FLT3LG: variants seen among roughly 807,000 people sequenced by gnomAD.
The protein encoded by FLT3LG is fms-related tyrosine kinase 3 ligand.
Under a neutral mutation model 30.9 loss-of-function variants are expected in FLT3LG, and 8 were observed. The ratio of observed to expected loss-of-function variants is 0.26; its 90% confidence interval spans 0.15 to 0.47. FLT3LG has a LOEUF of 0.47. FLT3LG is among the 20% of genes least tolerant of loss of function. The probability of loss-of-function intolerance (pLI) is 0.99; values close to 1 mark genes in which losing one functional copy is unlikely to be tolerated. For missense variants in FLT3LG, 278 were observed against 306.2 expected (o/e 0.91, Z 0.69); for synonymous variants, 123 against 135.9 (o/e 0.91, Z 0.66).
chr19:49,480,824 G>C (rs2079580845), intron 8 of FLT3LG: 2 of 583,024 alleles, frequency 3.4e-6, no homozygotes, highest in Non-Finnish European at 3.0e-6. Flanking sequence ...TTGAGGTCAG[G>C]AGTTCAAGAC....
intron 5 of FLT3LG, among the ~76,000 whole-genome samples, chr19:49,477,910 G>T (rs1439859486): frequency 6.6e-6 from 1 of 151,266 alleles, no homozygotes; most frequent in African/African-American, 2.4e-5. Context: ...GCTGGGCATG[G>T]TGGCGCGCGC....
chr19:49,478,824 C>A, intron 5 of FLT3LG, 85 bp from the exon 6 acceptor site: 2 of 1,261,904 alleles, frequency 1.6e-6, no homozygotes, highest in Non-Finnish European at 2.1e-6. Flanking sequence ...TGTTGCTGGG[C>A]ATCGCCAGCA....
intron 3 of FLT3LG, 117 bp downstream of exon 3, chr19:49,475,918 T>A: frequency 9.4e-7 from 1 of 1,064,876 alleles, no homozygotes; most frequent in Non-Finnish European, 1.4e-6. Context: ...ACTCCTGGGC[T>A]CAAGCGATCC....
At chr19:49,484,946 A>G (rs1601143951) in intron 8 of FLT3LG, among the ~76,000 whole-genome samples, 1 of 152,076 alleles carries the variant, frequency 6.6e-6, no homozygotes, top group South Asian at 2.1e-4. Flanking sequence ...TGAGCTGGGC[A>G]TGGTGGCGTG....
intron 8 of FLT3LG, chr19:49,482,519 T>C (rs2079648105): frequency 6.6e-6 from 1 of 152,058 alleles, no homozygotes; most frequent in African/African-American, 2.4e-5. Flanking sequence ...CCTTCCACCA[T>C]AGGGTTGTTA....
At chr19:49,475,911 C>A in intron 3 of FLT3LG, 110 bp downstream of exon 3, 1 of 1,139,504 alleles carries the variant, frequency 8.8e-7, no homozygotes, top group Non-Finnish European at 1.3e-6. Context: ...GTCTTGAACT[C>A]CTGGGCTCAA....
In FLT3LG at chr19:49,476,337, A is replaced by T; in HGVS notation, c.199-86A>T. On this transcript the variant is annotated intron_variant, in intron 4 of 8. Coordinates refer to ENST00000597551, the MANE Select transcript of FLT3LG (RefSeq NM_001459.4). This position sits in a 1 kb window ranked among gnomAD's most constrained non-coding sequence, Gnocchi z 5.3. ...CCTCAGCCCCTCCTCCCTCAGACCC[A>T]GGAGCCCCGGCCCAGCCCCTCCTCC... The T allele has an allele frequency of 4.6e-6, 7 of 1,509,524 alleles. No homozygotes were observed. Among genetic ancestry groups the T allele is most frequent in the South Asian group, 2.3e-5 (2 of 88,362 alleles). The allele number at this position is 1,509,524 out of a possible 1,614,324, so 93.5% of individuals were successfully genotyped here. A position where few individuals can be genotyped will look rare whatever the true frequency, so the allele number is the denominator to read the frequency against.
chr19:49,485,432 T>C (rs1274518312), intron 8 of FLT3LG, among the ~76,000 whole-genome samples: 1 of 151,980 alleles, frequency 6.6e-6, no homozygotes, highest in Admixed American at 6.6e-5. Flanking sequence ...TTTTTGTTTT[T>C]GTTTTTTTCT....
rs1054020648 is a variant in FLT3LG at position 49,475,687 on chromosome 19, G to A, written c.34-4G>A. 1 of 1,603,804 alleles carries A rather than the reference G, an allele frequency of 6.2e-7. No homozygotes were observed. Among genetic ancestry groups the A allele is most frequent in the Non-Finnish European group, 8.5e-7 (1 of 1,179,686 alleles). On this transcript the variant is annotated splice_region_variant and splice_polypyrimidine_tract_variant and intron_variant, in intron 2 of 8. Transcript: ENST00000597551. ...GGGCTCCCCCAGCACCCGCTCCCCT[G>A]CAGACCTATCTCCTCCTGCTGCTGC...
In FLT3LG at chr19:49,476,806, C is replaced by T. The variant is rs2079409928; in HGVS notation, c.342+240C>T. 2.0e-6 allele frequency: 1 copy of T among 489,652 alleles called. No individual in the cohort carries two copies. The highest frequency in any genetic ancestry group is 3.6e-6 in the Non-Finnish European group (1 of 276,616). The allele number at this position is 489,652 out of a possible 1,614,324, so 30.3% of individuals were successfully genotyped here. A position where few individuals can be genotyped will look rare whatever the true frequency, so the allele number is the denominator to read the frequency against. On this transcript the variant is annotated intron_variant, in intron 5 of 8. Transcript: ENST00000597551. This position sits in a 1 kb window ranked among gnomAD's most constrained non-coding sequence, Gnocchi z 5.3. ...TTTCCTAGGCCATGATGAAGGGTGC[C>T]ACTGAGGGGTTCTTCCCCCAAAAAA...
chr19:49,476,605 A>T lies in FLT3LG; in HGVS notation c.342+39A>T. ...TTAGGGGACAAGTGAGGGGAGGGAGATGCCTTCCTACGAATTAGAAGTAAA... is the reference window on the plus strand; with the variant it reads ...TTAGGGGACAAGTGAGGGGAGGGAGTTGCCTTCCTACGAATTAGAAGTAAA... On this transcript the variant is annotated intron_variant, in intron 5 of 8. Transcript: ENST00000597551. This position sits in a 1 kb window ranked among gnomAD's most constrained non-coding sequence, Gnocchi z 5.3. The T allele has an allele frequency of 1.2e-6, 2 of 1,612,212 alleles. No homozygotes were observed. Among genetic ancestry groups the T allele is most frequent in the Non-Finnish European group, 1.7e-6 (2 of 1,179,320 alleles).
At chr19:49,480,220 C>A in intron 6 of FLT3LG, 78 bp from the exon 7 acceptor site, 1 of 1,068,056 alleles carries the variant, frequency 9.4e-7, no homozygotes, top group Non-Finnish European at 1.4e-6. Flanking sequence ...GGTCACACAG[C>A]CAGTGGCAGC....
rs1292204015 is a variant in FLT3LG, at chr19:49,476,034, C to T, written c.145-111C>T. 1 of 1,264,968 alleles carries T rather than the reference C, an allele frequency of 7.9e-7. No homozygotes were observed. Among genetic ancestry groups the T allele is most frequent in the Non-Finnish European group, 1.2e-6 (1 of 867,762 alleles). 78.4% of individuals were successfully genotyped at this position (1,264,968 alleles called of 1,614,324 possible). A position where few individuals can be genotyped will look rare whatever the true frequency, so the allele number is the denominator to read the frequency against. ...GGTTCTGTGGCTTCTTCTGGGCTCC[C>T]CCTCTCTTGGTCTTGTCCCTCTCTC... On this transcript the variant is annotated intron_variant, in intron 3 of 8. Coordinates refer to ENST00000597551, the MANE Select transcript of FLT3LG (RefSeq NM_001459.4). The surrounding 1 kb of genome is among the most constrained non-coding windows in gnomAD (Gnocchi z 5.3).
At chr19:49,475,430 G>A in intron 2 of FLT3LG, among the ~76,000 whole-genome samples, 1 of 149,318 alleles carries the variant, frequency 6.7e-6, no homozygotes, top group East Asian at 2.0e-4. Flanking sequence ...TGGTTGGAGA[G>A]AGACCAGCAG....
At chr19:49,480,857 C>G (rs918161443) in intron 8 of FLT3LG, 1 of 522,328 alleles carries the variant, frequency 1.9e-6, no homozygotes, top group Non-Finnish European at 3.4e-6. Context: ...CATGGCAAAC[C>G]CCAGTCTCTA....
chr19:49,474,461 G>A, intron 1 of FLT3LG, 142 bp from the exon 2 acceptor site: 1 of 639,294 alleles, frequency 1.6e-6, no homozygotes, highest in Non-Finnish European at 2.8e-6. Flanking sequence ...CGTAACTGGG[G>A]CAGACGCAGG....
intron 8 of FLT3LG, among the ~76,000 whole-genome samples, chr19:49,483,459 T>G (rs1309666064): frequency 1.3e-5 from 2 of 152,020 alleles, no homozygotes; most frequent in Non-Finnish European, 2.9e-5. Flanking sequence ...ATATTTAAAT[T>G]TCATGAAATT....
chr19:49,485,127 C>T (rs1276137317), intron 8 of FLT3LG, among the ~76,000 whole-genome samples: 1 of 151,692 alleles, frequency 6.6e-6, no homozygotes. Flanking sequence ...CTCAAGTGAT[C>T]CTCCTGCCTC....
chr19:49,474,897 G>A (rs956143292), intron 2 of FLT3LG, among the ~76,000 whole-genome samples: 2 of 132,528 alleles, frequency 1.5e-5, no homozygotes, highest in Non-Finnish European at 3.2e-5. Flanking sequence ...TAGAGGAGAG[G>A]GAGATAGAGA....
Sources: allele counts gnomAD v4.1 joint callset (sites outside exome capture counted in the v4.1 genomes callset), GRCh38; gene constraint gnomAD v4.1.1; non-coding constraint Gnocchi (gnomAD v3.1); transcripts MANE v1.5; gene names NCBI Gene and HGNC (gene_info 2026-07-23, HGNC 2026-07-21).